Variants in DSTYK observed in about 807,000 individuals in gnomAD.
The protein encoded by DSTYK is RIP-homologous kinase.
A neutral mutation model predicts 98.7 loss-of-function variants in DSTYK; 34 were observed. That is an observed-to-expected ratio of 0.34 (90% CI 0.26 to 0.46). DSTYK has a LOEUF of 0.46. Ranked by LOEUF, DSTYK falls within the 20% of genes least tolerant of loss-of-function variation. The probability of loss-of-function intolerance (pLI) is 1.00; values close to 1 mark genes in which losing one functional copy is unlikely to be tolerated. For synonymous variants in DSTYK, 462 were observed against 457.3 expected (o/e 1.01, Z -0.13); for missense variants, 962 against 1,181.7 (o/e 0.81, Z 2.73).
chr1:205,193,055 T>C (rs971362850), intron 1 of DSTYK, among the ~76,000 whole-genome samples: 9 of 152,102 alleles, frequency 5.9e-5, no homozygotes, highest in Non-Finnish European at 1.2e-4. Flanking sequence ...CCCCAAACCA[T>C]GAGGAATAAA....
At position 205,160,232 on chromosome 1, in the gene DSTYK, A is replaced by G; in HGVS notation, c.1987T>C (p.Tyr663His). 6.2e-7 allele frequency: 1 copy of G among 1,614,014 alleles called. No homozygotes were observed. The highest frequency in any genetic ancestry group is 8.5e-7 in the Non-Finnish European group (1 of 1,179,996). The change falls in exon 8 of 13, where the codon TAT (tyrosine) becomes CAT (histidine). Residue 663 changes from tyrosine (Y) to histidine (H), a missense_variant. This residue lies in a region of DSTYK where 660 missense variants were observed against 855.0 expected (regional missense o/e 0.77). Transcript: ENST00000367162. The part of the protein sequence containing the change: ...KLGQELGRGQ[Y>H]GVVYLCDNWG... ...TTGTCACACAGGTATACCACACCAT[A>G]CTGGCCCCGGCCCAGTTCCTGTCCC... is the stretch of plus-strand genomic sequence containing the variant.
intron 1 of DSTYK, among the ~76,000 whole-genome samples, chr1:205,199,865 C>G (rs976864747): frequency 6.6e-6 from 1 of 152,150 alleles, no homozygotes; most frequent in South Asian, 2.1e-4. Context: ...AGTTTTCCTA[C>G]CGGCTTCTCT....
In DSTYK at chr1:205,211,349, A is replaced by C. The variant is rs143001609; in HGVS notation, c.187T>G (p.Cys63Gly). The C allele has an allele frequency of 1.8e-5, 29 of 1,612,044 alleles. No individual in the cohort carries two copies. Among genetic ancestry groups the C allele is most frequent in the Admixed American group, 1.0e-4 (6 of 59,882 alleles). Residue 63 changes from cysteine to glycine, a missense_variant, in exon 1 of 13, where the codon TGT (cysteine) becomes GGT (glycine). By Grantham distance (159) the Cys-to-Gly change is radical. This residue lies in a region of DSTYK where 168 missense variants were observed against 120.0 expected (regional missense o/e 1.40). Coordinates refer to ENST00000367162, the MANE Select transcript of DSTYK (RefSeq NM_015375.3). The part of the protein sequence containing the change: ...RDIKCSHNHT[C>G]LSSLTGGGGA... ...CCGCCGCCCGTGAGGGAGGAGAGAC[A>C]AGTGTGGTTGTGGGAGCACTTGATG...
chr1:205,176,295 T>C (rs3925316), intron 2 of DSTYK, among the ~76,000 whole-genome samples: 73,908 of 151,526 alleles, frequency 0.49, 21,111 homozygotes, highest in Non-Finnish European at 0.63. Flanking sequence ...CTGATCAACA[T>C]GGAGAAACCC....
intron 1 of DSTYK, among the ~76,000 whole-genome samples, chr1:205,188,453 G>A (rs373928374): frequency 6.6e-6 from 1 of 152,234 alleles, no homozygotes; most frequent in East Asian, 1.9e-4. Flanking sequence ...AACTTGTACA[G>A]CATGTTACTG....
chr1:205,182,531 C>T (rs1412211023), intron 2 of DSTYK, among the ~76,000 whole-genome samples: 1 of 131,150 alleles, frequency 7.6e-6, no homozygotes, highest in Non-Finnish European at 1.6e-5. Context: ...AAAGGCCAGG[C>T]GCTGTGGCTC....
At position 205,211,496 on chromosome 1, in the gene DSTYK, A is replaced by C. The variant is rs777508863; in HGVS notation, c.40T>G (p.Ser14Ala). Residue 14 changes from serine to alanine, a missense_variant, in exon 1 of 13, where the codon TCG (serine) becomes GCG (alanine). Around this residue, in one of 4 missense-constraint regions of DSTYK, gnomAD observed 168 missense variants for 120.0 expected, o/e 1.40. Coordinates refer to ENST00000367162, the MANE Select transcript of DSTYK (RefSeq NM_015375.3). ...DGVPWGSEPV[S>A]GPGPGGGGMI... ...CCGCCGCCGCCGGGGCCGGGACCCGAGACGGGCTCGCTGCCCCATGGCACC... is the reference window on the plus strand; with the variant it reads ...CCGCCGCCGCCGGGGCCGGGACCCGCGACGGGCTCGCTGCCCCATGGCACC... The C allele has an allele frequency of 1.3e-6, 2 of 1,577,290 alleles. No individual in the cohort carries two copies. The highest frequency in any genetic ancestry group is 2.3e-5 in the East Asian group (1 of 42,898).
In DSTYK at chr1:205,187,544, C is replaced by T. The variant is rs374945965; in HGVS notation, c.528G>A (p.Thr176=). ...ALPGQYELVH[T]LVAHQGNWET... ...CCCAGTTGCCCTGATGAGCAACCAG[C>T]GTGTGCACTAGTTCATACTGTCCAG... The change falls in exon 2 of 13, where the codon ACG becomes ACA. Residue 176 remains threonine (T), a synonymous_variant. Transcript: ENST00000367162. 147 of 1,614,034 alleles carry T rather than the reference C, an allele frequency of 9.1e-5. No individual in the cohort carries two copies. Among genetic ancestry groups the T allele is most frequent in the Non-Finnish European group, 1.1e-4 (135 of 1,180,048 alleles).
intron 2 of DSTYK, among the ~76,000 whole-genome samples, chr1:205,174,581 G>A (rs191001191): frequency 1.4e-3 from 218 of 151,160 alleles, no homozygotes; most frequent in African/African-American, 5.0e-3. Context: ...TACTTGGGAG[G>A]CTGAGGAATG....
intron 1 of DSTYK, among the ~76,000 whole-genome samples, chr1:205,197,852 TAGAACAGTCTGATGAA>T (rs1434283009): frequency 6.6e-6 from 1 of 152,178 alleles, no homozygotes; most frequent in Non-Finnish European, 1.5e-5. Flanking sequence ...TGCTCCAGTA[TAGAACAGTCTGATGAA>T]AGTTACCTGT....
At position 205,146,862 on chromosome 1, in the gene DSTYK, T is replaced by C. The variant is rs1420357008; in HGVS notation, c.*696A>G. 4 of 151,720 alleles carry C rather than the reference T, an allele frequency of 2.6e-5. No homozygotes were observed. The highest frequency in any genetic ancestry group is 4.9e-5 in the African/African-American group (2 of 41,236). The allele number at this position is 151,720 out of a possible 1,614,324, so 9.4% of individuals were successfully genotyped here. On this transcript the variant is annotated 3_prime_UTR_variant, in exon 13 of 13. Transcript: ENST00000367162. ...CTGAGATTACAGGCGTGAGCCACCA[T>C]GCCTGGCCTCTTTTTTTTTTTTTTT...
rs1346028153 is a variant in DSTYK, at chr1:205,163,947, CA to C, written c.1332del (p.Ile444MetfsTer9). ...DATNMEFKDV[I>X]VPENGEPVGT... ...CCTACTGGTTCTCCATTCTCAGGGA[CA>C]ATGACGTCTATGGAGGCAGAGAAAT... On this transcript the variant is annotated frameshift_variant, in exon 4 of 13. Coordinates refer to ENST00000367162, the MANE Select transcript of DSTYK (RefSeq NM_015375.3). LOFTEE classifies it high-confidence loss of function. 1 of 1,613,898 alleles carries C rather than the reference CA, an allele frequency of 6.2e-7. No homozygotes were observed. Among genetic ancestry groups the C allele is most frequent in the East Asian group, 2.2e-5 (1 of 44,876 alleles).
intron 1 of DSTYK, among the ~76,000 whole-genome samples, chr1:205,189,382 A>T (rs575272084): frequency 6.6e-6 from 1 of 152,354 alleles, no homozygotes; most frequent in African/African-American, 2.4e-5. Context: ...AGATTCAGGC[A>T]ATTCCTGCAT....
At chr1:205,194,783 C>G (rs561475047) in intron 1 of DSTYK, among the ~76,000 whole-genome samples, 1 of 151,454 alleles carries the variant, frequency 6.6e-6, no homozygotes, top group South Asian at 2.1e-4. Context: ...GCAACCTCCA[C>G]CTCCCTGGTT....
At chr1:205,211,224 C>T (rs1165072328) in intron 1 of DSTYK, 47 bp downstream of exon 1, 1 of 1,538,934 alleles carries the variant, frequency 6.5e-7, no homozygotes, top group Non-Finnish European at 8.7e-7. Flanking sequence ...GGTCCGTCCT[C>T]CGATTTGCCT....
At chr1:205,170,159 C>T (rs1291918031) in intron 2 of DSTYK, among the ~76,000 whole-genome samples, 1 of 152,112 alleles carries the variant, frequency 6.6e-6, no homozygotes, top group African/African-American at 2.4e-5. Context: ...AGAATTAAGA[C>T]AAATAATGGA....
intron 2 of DSTYK, among the ~76,000 whole-genome samples, chr1:205,185,452 A>G (rs1658533804): frequency 6.6e-6 from 1 of 152,072 alleles, no homozygotes; most frequent in Non-Finnish European, 1.5e-5. Flanking sequence ...GGTTCAAGCA[A>G]TCCTCATGCC....
intron 9 of DSTYK, among the ~76,000 whole-genome samples, chr1:205,157,761 C>CAAA (rs11404936): frequency 5.6e-5 from 6 of 107,980 alleles, no homozygotes; most frequent in Admixed American, 9.2e-5. Context: ...GACTCTGTCT[C>CAAA]AAAAAAAAAA....
At chr1:205,178,163 A>G (rs1658287601) in intron 2 of DSTYK, among the ~76,000 whole-genome samples, 1 of 152,132 alleles carries the variant, frequency 6.6e-6, no homozygotes, top group Non-Finnish European at 1.5e-5. Context: ...TGAGACAATC[A>G]TGCTAAAAGT....
Sources: allele counts gnomAD v4.1 joint callset (sites outside exome capture counted in the v4.1 genomes callset), GRCh38; gene constraint gnomAD v4.1.1; regional missense constraint gnomAD v4.1.1; transcripts MANE v1.5; gene names NCBI Gene and HGNC (gene_info 2026-07-23, HGNC 2026-07-21).